Variants in TNS3 observed in about 807,000 individuals in gnomAD.
TNS3 encodes tensin-3.
Under a neutral mutation model 140.9 loss-of-function variants are expected in TNS3, and 45 were observed. The observed-to-expected ratio is 0.32, with a 90% CI of 0.25 to 0.41. TNS3 has a LOEUF of 0.41. Ranked by LOEUF, TNS3 falls within the 10% of genes least tolerant of loss-of-function variation. The pLI is 1.00. For synonymous variants in TNS3, 815 were observed against 788.4 expected, an observed-to-expected ratio of 1.03 and a Z score of -0.56; for missense variants, 1,716 against 1,906.7, an observed-to-expected ratio of 0.90 and a Z score of 1.86.
intron 10 of TNS3, among the ~76,000 whole-genome samples, chr7:47,418,788 G>A (rs1794216921): frequency 6.6e-6 from 1 of 152,194 alleles, no homozygotes; most frequent in Admixed American, 6.5e-5. Context: ...ACTTCCATTT[G>A]GAATCTCCAT....
Position 47,277,664 on chromosome 7 carries a change from C to G in TNS3, c.*412G>C. 1 of 274,864 alleles carries G rather than the reference C, an allele frequency of 3.6e-6. No homozygotes were observed. Among genetic ancestry groups the G allele is most frequent in the Non-Finnish European group, 7.1e-6 (1 of 141,128 alleles). The allele number at this position is 274,864 out of a possible 1,614,324, so 17.0% of individuals were successfully genotyped here. On this transcript the variant is annotated 3_prime_UTR_variant, in exon 31 of 31. Transcript: ENST00000311160. The stretch of plus-strand genomic sequence containing the variant: ...AGCTGGACAGAAGCGCCCATGCGGA[C>G]GGGCGAAGCATGGCAGTCACTCGGC...
rs916474596 is a variant in TNS3, at chr7:47,291,891, T to A, written c.3928+64A>T. On this transcript the variant is annotated intron_variant, in intron 27 of 30. Coordinates refer to ENST00000311160, the MANE Select transcript of TNS3 (RefSeq NM_022748.12). ...CTGAATACTGAAGTGCAAAAGGAAGTTGTGTCAGTGAGTCCTTTTTCTCCC... is the reference window on the plus strand; with the variant it reads ...CTGAATACTGAAGTGCAAAAGGAAGATGTGTCAGTGAGTCCTTTTTCTCCC... The A allele has an allele frequency of 5.9e-6, 9 of 1,534,798 alleles. No homozygotes were observed. The African/African-American group carries it at 1.1e-4, about 19-fold the overall frequency.
chr7:47,291,896 T>C (rs1785725872), intron 27 of TNS3, 59 bp downstream of exon 27: 2 of 1,558,624 alleles, frequency 1.3e-6, no homozygotes, highest in Admixed American at 1.7e-5. Flanking sequence ...GGAAGTTGTG[T>C]CAGTGAGTCC....
intron 16 of TNS3, among the ~76,000 whole-genome samples, chr7:47,389,154 AAGC>A (rs1554310554): frequency 1.8e-4 from 15 of 82,290 alleles, no homozygotes; most frequent in African/African-American, 5.9e-4. Context: ...GAAGAAGAAG[AAGC>A]AGAAGAAGCA....
chr7:47,574,008 C>T (rs1055500268), intron 1 of TNS3, among the ~76,000 whole-genome samples: 2 of 151,884 alleles, frequency 1.3e-5, no homozygotes, highest in Admixed American at 6.5e-5. Context: ...AACCGCCTCA[C>T]TCCAACTGCC....
rs374908574 is a variant in TNS3, at chr7:47,435,589, T to C, written c.202-185A>G. Among the ~76,000 whole-genome samples, 4 of 152,286 alleles carry C rather than the reference T, an allele frequency of 2.6e-5. No homozygotes were observed. The South Asian group carries it at 8.3e-4, about 32-fold the overall frequency. On this transcript the variant is annotated intron_variant, in intron 7 of 30. Coordinates refer to ENST00000311160, the MANE Select transcript of TNS3 (RefSeq NM_022748.12). ...TTCACTGGGAAGAAAAAATAAAGCA[T>C]TATACTGCCCATGTGATGCCTCTTC...
At chr7:47,484,902 C>T (rs758359948) in intron 3 of TNS3, among the ~76,000 whole-genome samples, 1 of 152,216 alleles carries the variant, frequency 6.6e-6, no homozygotes, top group Non-Finnish European at 1.5e-5. Context: ...TGGCCTTCCT[C>T]GGCACAAAGA....
chr7:47,500,887 C>T (rs1028584725), intron 3 of TNS3, among the ~76,000 whole-genome samples: 55 of 151,926 alleles, frequency 3.6e-4, no homozygotes, highest in Non-Finnish European at 1.5e-4. Flanking sequence ...TGAGACCAGC[C>T]TGGCCAATAT....
chr7:47,500,379 C>T (rs1033476666), intron 3 of TNS3, among the ~76,000 whole-genome samples: 43 of 152,210 alleles, frequency 2.8e-4, no homozygotes, highest in African/African-American at 1.0e-3. Flanking sequence ...AGGCAGAGCC[C>T]GTGCTGGCCG....
chr7:47,282,221 C>A (rs1785182681), intron 28 of TNS3, among the ~76,000 whole-genome samples: 1 of 151,480 alleles, frequency 6.6e-6, no homozygotes, highest in Admixed American at 6.6e-5. Context: ...GACACTGACC[C>A]TGAGTCCACC....
At chr7:47,378,375 G>A (rs566901773) in intron 16 of TNS3, among the ~76,000 whole-genome samples, 6 of 152,274 alleles carry the variant, frequency 3.9e-5, no homozygotes, top group African/African-American at 1.4e-4. Flanking sequence ...AAGCTATGGT[G>A]AAAGATGGGT....
intron 2 of TNS3, among the ~76,000 whole-genome samples, chr7:47,513,804 G>A (rs688179): frequency 0.99 from 151,256 of 152,334 alleles, 75,104 homozygotes; most frequent in East Asian, 1. Flanking sequence ...GCCCCTTCTC[G>A]TGGCTTTGCC....
rs182844913 is a variant in TNS3 at position 47,276,190 on chromosome 7, A to C, written c.*1886T>G. 23 of 200,146 alleles carry C rather than the reference A, an allele frequency of 1.1e-4. No homozygotes were observed. Among genetic ancestry groups the C allele is most frequent in the Admixed American group, 1.0e-3 (18 of 17,832 alleles). 12.4% of individuals were successfully genotyped at this position (200,146 alleles called of 1,614,324 possible). ...ACCTCCTGACAGTCATGCCACCGCA[A>C]GTTAGAGAAGGAGGTCCACAACGAC... On this transcript the variant is annotated 3_prime_UTR_variant, in exon 31 of 31. Coordinates refer to ENST00000311160, the MANE Select transcript of TNS3 (RefSeq NM_022748.12).
intron 3 of TNS3, among the ~76,000 whole-genome samples, chr7:47,498,893 C>T (rs1479113774): frequency 2.6e-5 from 4 of 152,248 alleles, no homozygotes; most frequent in African/African-American, 9.6e-5. Flanking sequence ...CGAGACGGTG[C>T]AAGGAGCAGA....
chr7:47,424,524 G>A (rs911709468), intron 9 of TNS3, among the ~76,000 whole-genome samples: 1 of 152,192 alleles, frequency 6.6e-6, no homozygotes, highest in African/African-American at 2.4e-5. Flanking sequence ...TAGGGCTGGT[G>A]TCCAAAACTG....
chr7:47,439,391 C>G, intron 6 of TNS3, 96 bp downstream of exon 6: 1 of 1,379,158 alleles, frequency 7.3e-7, no homozygotes. Flanking sequence ...TTGAGCTTCT[C>G]CCTCATGTGT....
At chr7:47,436,062 A>G (rs1368680095) in intron 7 of TNS3, among the ~76,000 whole-genome samples, 1 of 152,180 alleles carries the variant, frequency 6.6e-6, no homozygotes, top group Non-Finnish European at 1.5e-5. Context: ...GGACGAGGAC[A>G]AGGAGCTCTA....
chr7:47,395,338 GCCCCTTT>G (rs1792766849), intron 16 of TNS3, among the ~76,000 whole-genome samples: 1 of 152,066 alleles, frequency 6.6e-6, no homozygotes, highest in African/African-American at 2.4e-5. Context: ...CTCCAAATTA[GCCCCTTT>G]CCCCATCTTG....
intron 4 of TNS3, 128 bp downstream of exon 4, chr7:47,480,975 T>C (rs922985442): frequency 1.6e-5 from 9 of 576,720 alleles, no homozygotes; most frequent in South Asian, 1.0e-4. Flanking sequence ...GAATGCAAGC[T>C]ACAGGTCAAA....
Sources: gnomAD v4.1 joint callset for allele counts (sites outside exome capture counted in the v4.1 genomes callset) on GRCh38, gnomAD v4.1.1 for gene constraint, MANE v1.5 for transcripts, NCBI Gene and HGNC (gene_info 2026-07-23, HGNC 2026-07-21) for gene names.